Variants in TRPV1 observed in about 807,000 individuals in gnomAD.
TRPV1 encodes the protein transient receptor potential cation channel subfamily V member 1.
In TRPV1, 82 loss-of-function variants were observed where a neutral mutation model predicts 82.3. That is an observed-to-expected ratio of 1.00 (90% CI 0.83 to 1.20). The LOEUF (loss-of-function observed/expected upper bound fraction) is 1.20, where lower values mean the gene tolerates loss of function less well. Ranked by LOEUF, TRPV1 falls within the 50% of genes most tolerant of loss-of-function variation. TRPV1 has a pLI of 0.00. For missense variants in TRPV1, 1,067 were observed against 1,096.8 expected, an observed-to-expected ratio of 0.97 and a Z score of 0.38; for synonymous variants, 515 against 467.7, an observed-to-expected ratio of 1.10 and a Z score of -1.30.
chr17:3,600,204 T>C (rs1203698071), intron 2 of TRPV1, among the ~76,000 whole-genome samples: 2 of 152,150 alleles, frequency 1.3e-5, no homozygotes, highest in Non-Finnish European at 1.5e-5. Context: ...TCTAACAATG[T>C]GGGATAGAGC....
In TRPV1 at chr17:3,589,839, G is replaced by A. The variant is rs748057580; in HGVS notation, c.1012C>T (p.Leu338=). The A allele has an allele frequency of 9.3e-6, 15 of 1,613,754 alleles. No individual in the cohort carries two copies. Residue 338 remains leucine (L), a synonymous_variant, in exon 7 of 17, where the codon CTG becomes TTG. Transcript: ENST00000572705. ...TTCCCGGTCCCAGCTGCCAGAGCCA[G>A]CGGCGTCATTCCCTTCTTGTTGGTG... is the stretch of plus-strand genomic sequence containing the variant. ...ELTNKKGMTP[L]ALAAGTGKIG...
Position 3,589,789 on chromosome 17 carries a change from G to A in TRPV1, c.1044+18C>T, listed in dbSNP as rs751311448. The A allele has an allele frequency of 1.9e-6, 3 of 1,597,364 alleles. No homozygotes were observed. In the Admixed American group the frequency reaches 5.1e-5, roughly 27 times the overall value. ...TCAGCCCCGCACCGCACCAGCCTGA[G>A]CCGAAGCCCCCTCTTACCCCGATCT... is the stretch of plus-strand genomic sequence containing the variant. On this transcript the variant is annotated intron_variant, in intron 7 of 16. Transcript: ENST00000572705.
intron 10 of TRPV1, 117 bp downstream of exon 10, chr17:3,583,221 C>G (rs964985711): frequency 3.9e-5 from 36 of 925,858 alleles, no homozygotes; most frequent in Non-Finnish European, 5.2e-5. Context: ...TCTCTCAGCT[C>G]CCCAAGTAGG....
chr17:3,595,485 T>C (rs1354594715), intron 2 of TRPV1, among the ~76,000 whole-genome samples: 1 of 152,122 alleles, frequency 6.6e-6, no homozygotes, highest in African/African-American at 2.4e-5. Flanking sequence ...GGGCTAGGCA[T>C]AAGACCTGAA....
chr17:3,582,769 C>T (rs901970189), intron 10 of TRPV1, among the ~76,000 whole-genome samples: 3 of 151,912 alleles, frequency 2.0e-5, no homozygotes, highest in Admixed American at 6.6e-5. Context: ...ACCAGCCTGG[C>T]CAACATGGTG....
intron 10 of TRPV1, among the ~76,000 whole-genome samples, chr17:3,580,815 G>A (rs901889520): frequency 3.3e-5 from 5 of 152,118 alleles, no homozygotes; most frequent in African/African-American, 9.7e-5. Context: ...TTAGGAGTTC[G>A]AGACCAGCCT....
intron 11 of TRPV1, among the ~76,000 whole-genome samples, chr17:3,579,302 T>C (rs2074975082): frequency 6.6e-6 from 1 of 151,966 alleles, no homozygotes; most frequent in Non-Finnish European, 1.5e-5. Flanking sequence ...ACGGACAAGC[T>C]AGCTGCAAGA....
intron 11 of TRPV1, among the ~76,000 whole-genome samples, chr17:3,580,044 C>T (rs1384848587): frequency 2.7e-5 from 4 of 147,298 alleles, no homozygotes; most frequent in Non-Finnish European, 6.0e-5. Context: ...CCCCGCCCCC[C>T]AACCACCACA....
At chr17:3,608,013 G>A (rs1049443569) in intron 2 of TRPV1, among the ~76,000 whole-genome samples, 4 of 151,828 alleles carry the variant, frequency 2.6e-5, no homozygotes, top group African/African-American at 9.7e-5. Flanking sequence ...TCAGGAGTTC[G>A]AGACCAGCCT....
intron 2 of TRPV1, among the ~76,000 whole-genome samples, chr17:3,602,918 T>A (rs1243325475): frequency 6.6e-6 from 1 of 152,094 alleles, no homozygotes; most frequent in Non-Finnish European, 1.5e-5. Flanking sequence ...GGTCGGGAGT[T>A]CGAGACCAGC....
At chr17:3,583,093 C>A (rs1239796987) in intron 10 of TRPV1, among the ~76,000 whole-genome samples, 2 of 152,158 alleles carry the variant, frequency 1.3e-5, no homozygotes, top group Admixed American at 1.3e-4. Context: ...ATACTCCGTT[C>A]CGTGGAGTGG....
At chr17:3,575,299 A>G (rs1335223553) in intron 13 of TRPV1, among the ~76,000 whole-genome samples, 1 of 152,148 alleles carries the variant, frequency 6.6e-6, no homozygotes, top group Non-Finnish European at 1.5e-5. Context: ...CCTGAGTAAC[A>G]TGGTAAAACC....
intron 14 of TRPV1, 85 bp from the exon 15 acceptor site, chr17:3,572,334 A>C: frequency 4.0e-6 from 6 of 1,496,862 alleles, no homozygotes; most frequent in Non-Finnish European, 5.4e-6. Flanking sequence ...CCAGCTCCCC[A>C]GGGGCTCTCC....
chr17:3,572,333 CA>C, intron 14 of TRPV1, 84 bp from the exon 15 acceptor site: 1 of 1,497,006 alleles, frequency 6.7e-7, no homozygotes, highest in Non-Finnish European at 9.0e-7. Context: ...TCCAGCTCCC[CA>C]GGGGCTCTCC....
In TRPV1 at chr17:3,589,937, A is replaced by C. The variant is rs1335371890; in HGVS notation, c.914T>G (p.Phe305Cys). ...VADNTADNTK[F>C]VTSMYNEILM... ...AATCTCATTGTACATGCTCGTCACA[A>C]ACTTCGTGTTGTCGGCCGTGTTGTC... The change falls in exon 7 of 17, where the codon TTT becomes TGT. Residue 305 changes from phenylalanine to cysteine, a missense_variant. Phe to Cys is a radical substitution (Grantham distance 205, BLOSUM62 -2). Transcript: ENST00000572705. 3 of 1,577,818 alleles carry C rather than the reference A, an allele frequency of 1.9e-6. No individual in the cohort carries two copies. Among genetic ancestry groups the C allele is most frequent in the Admixed American group, 3.7e-5 (2 of 53,522 alleles).
intron 10 of TRPV1, 58 bp downstream of exon 10, chr17:3,583,280 T>A: frequency 6.9e-7 from 1 of 1,442,928 alleles, no homozygotes. Context: ...CTGAGGGATC[T>A]TCTTGGCTTT....
intron 9 of TRPV1, 96 bp from the exon 10 acceptor site, chr17:3,583,526 G>T: frequency 9.8e-7 from 1 of 1,020,910 alleles, no homozygotes; most frequent in Non-Finnish European, 1.5e-6. Context: ...TGCCCAGGAG[G>T]CACAGCCTCC....
At chr17:3,583,798 C>T (rs2318102) in intron 9 of TRPV1, among the ~76,000 whole-genome samples, 70,213 of 152,094 alleles carry the variant, frequency 0.46, 18,754 homozygotes, top group African/African-American at 0.73. Flanking sequence ...CACCCCAGCC[C>T]ATGGCCAGTC....
In TRPV1 at chr17:3,573,741, C is replaced by T. The variant is rs1158412637; in HGVS notation, c.1995G>A (p.Leu665=). 1 of 1,613,956 alleles carries T rather than the reference C, an allele frequency of 6.2e-7. No individual in the cohort carries two copies. Among genetic ancestry groups the T allele is most frequent in the Admixed American group, 1.7e-5 (1 of 59,962 alleles). The stretch of plus-strand genomic sequence containing the variant: ...GGATGTAGGTGAGAATTACATAGGC[C>T]AGCAGCAGGATGATGAAGACAGCCT... ...DFKAVFIILL[L]AYVILTYILL... The change falls in exon 14 of 17, where the codon CTG becomes CTA. Residue 665 remains leucine, a synonymous_variant. Coordinates refer to ENST00000572705, the MANE Select transcript of TRPV1 (RefSeq NM_080704.4).
Sources: gnomAD v4.1 joint callset for allele counts (sites outside exome capture counted in the v4.1 genomes callset) on GRCh38, gnomAD v4.1.1 for gene constraint, MANE v1.5 for transcripts, NCBI Gene and HGNC (gene_info 2026-07-23, HGNC 2026-07-21) for gene names.